Variants in MIEF1 observed in about 807,000 individuals in gnomAD.
The protein encoded by MIEF1 is mitochondrial elongation factor 1.
A neutral mutation model predicts 35.1 loss-of-function variants in MIEF1; 14 were observed. The observed-to-expected ratio is 0.40, with a 90% CI of 0.26 to 0.62. The LOEUF is 0.62. Among genes scored for constraint, MIEF1 ranks in the 20% least tolerant of loss-of-function variants. The pLI, the probability that MIEF1 is intolerant of heterozygous loss-of-function variation, is 0.43. For missense variants in MIEF1, 542 were observed against 615.4 expected (o/e 0.88, Z 1.26); for synonymous variants, 245 against 254.3 (o/e 0.96, Z 0.35).
intron 2 of MIEF1, among the ~76,000 whole-genome samples, chr22:39,505,151 G>A (rs1162591361): frequency 2.0e-5 from 3 of 150,566 alleles, no homozygotes; most frequent in Non-Finnish European, 4.4e-5. Flanking sequence ...CCAAGATCGC[G>A]CCACTGCACT....
At chr22:39,507,299 C>T (rs1181881107) in intron 2 of MIEF1, among the ~76,000 whole-genome samples, 1 of 151,924 alleles carries the variant, frequency 6.6e-6, no homozygotes, top group South Asian at 2.1e-4. Context: ...GGCTGGAGTG[C>T]AGTGGGTGCA....
chr22:39,500,877 G>T (rs1929667917), upstream of MIEF1, among the ~76,000 whole-genome samples: 1 of 151,904 alleles, frequency 6.6e-6, no homozygotes, highest in African/African-American at 2.4e-5. Flanking sequence ...TGTATTTTTA[G>T]TAGAGATGGG....
In MIEF1 at chr22:39,515,474, C is replaced by T. The variant is rs368384481; in HGVS notation, c.*1151C>T. 57 of 647,218 alleles carry T rather than the reference C, an allele frequency of 8.8e-5. 1 individual carries two copies. The highest frequency in any genetic ancestry group is 2.4e-4 in the African/African-American group (13 of 55,246). The allele number at this position is 647,218 out of a possible 1,614,324, so 40.1% of individuals were successfully genotyped here. On this transcript the variant is annotated 3_prime_UTR_variant, in exon 6 of 6. Coordinates refer to ENST00000325301, the MANE Select transcript of MIEF1 (RefSeq NM_019008.6). ...GGGTGTTTGCTGAGCGCTCCGGGCA[C>T]GGCCAGAGGGCAAGTGAGCATGCAC... is the stretch of plus-strand genomic sequence containing the variant.
chr22:39,512,300 C>A lies in MIEF1; in HGVS notation c.391C>A (p.Leu131Ile). 1 of 1,614,224 alleles carries A rather than the reference C, an allele frequency of 6.2e-7. No homozygotes were observed. The highest frequency in any genetic ancestry group is 1.1e-5 in the South Asian group (1 of 91,092). The change falls in exon 5 of 6, where the codon CTC becomes ATC. Residue 131 changes from leucine to isoleucine, a missense_variant. Coordinates refer to ENST00000325301, the MANE Select transcript of MIEF1 (RefSeq NM_019008.6). ...KGQVDLKKSR[L>I]RMSLQEKLLT... is the part of the protein sequence containing the mutation. ...CCAGGTAGACTTGAAGAAGTCACGA[C>A]TCCGCATGTCCCTGCAGGAGAAACT...
chr22:39,512,260 A>G lies in MIEF1; in HGVS notation c.351A>G (p.Pro117=). The G allele has an allele frequency of 6.2e-7, 1 of 1,613,844 alleles. No homozygotes were observed. The highest frequency in any genetic ancestry group is 8.5e-7 in the Non-Finnish European group (1 of 1,180,024). The change falls in exon 5 of 6, where the codon CCA becomes CCG. Residue 117 remains proline (P), a synonymous_variant. Transcript: ENST00000325301. ...TDTFCPPRPK[P]VARKGQVDLK... is the part of the protein sequence containing the mutation. The stretch of plus-strand genomic sequence containing the variant: ...CATTCTGCCCGCCCCGGCCCAAGCC[A>G]GTGGCCAGGAAGGGCCAGGTAGACT...
Position 39,504,264 on chromosome 22 carries a change from C to G in MIEF1, c.-278C>G, listed in dbSNP as rs150136591. The stretch of plus-strand genomic sequence containing the variant: ...GTGGAGCCGAGAGGCGGTGCTGAGT[C>G]TCTATCGGGCTCTGTTGCGCCAGGG... On this transcript the variant is annotated 5_prime_UTR_variant, in exon 2 of 6. Coordinates refer to ENST00000325301, the MANE Select transcript of MIEF1 (RefSeq NM_019008.6). The G allele has an allele frequency of 1.4e-3, 547 of 399,146 alleles. 4 individuals carry two copies. The highest frequency in any genetic ancestry group is 7.2e-3 in the African/African-American group (352 of 48,758). The allele number at this position is 399,146 out of a possible 1,614,324, so 24.7% of individuals were successfully genotyped here.
chr22:39,502,699 C>G (rs1929804712), intron 1 of MIEF1, among the ~76,000 whole-genome samples: 1 of 152,272 alleles, frequency 6.6e-6, no homozygotes, highest in South Asian at 2.1e-4. Flanking sequence ...GCCCGGCCCC[C>G]ACGGTTGGTG....
chr22:39,511,509 A>AGAAAATGTC (rs1445539712), intron 3 of MIEF1, 71 bp downstream of exon 3: 45 of 1,457,550 alleles, frequency 3.1e-5, no homozygotes, highest in Non-Finnish European at 4.1e-5. Context: ...TTTTATAGAA[A>AGAAAATGTC]GAAAATGTCG....
rs1273962197 is a variant in MIEF1, at chr22:39,515,104, T to C, written c.*781T>C. On this transcript the variant is annotated 3_prime_UTR_variant, in exon 6 of 6. Coordinates refer to ENST00000325301, the MANE Select transcript of MIEF1 (RefSeq NM_019008.6). ...GGTTAAGGGCCTAGTGAAGGGTTTG[T>C]GTGCCCAGTGTCTGCTCGTCATCTG... 5 of 614,832 alleles carry C rather than the reference T, an allele frequency of 8.1e-6. No homozygotes were observed. The highest frequency in any genetic ancestry group is 2.8e-5 in the East Asian group (1 of 36,130). The allele number at this position is 614,832 out of a possible 1,614,324, so 38.1% of individuals were successfully genotyped here.
In MIEF1 at chr22:39,504,251, G is replaced by A. The variant is rs1929900565; in HGVS notation, c.-291G>A. On this transcript the variant is annotated 5_prime_UTR_variant, in exon 2 of 6. Transcript: ENST00000325301. ...CCCCCATGGCCCCGTGGAGCCGAGA[G>A]GCGGTGCTGAGTCTCTATCGGGCTC... is the stretch of plus-strand genomic sequence containing the variant. 5 of 399,144 alleles carry A rather than the reference G, an allele frequency of 1.3e-5. No homozygotes were observed. Among genetic ancestry groups the A allele is most frequent in the African/African-American group, 2.1e-5 (1 of 48,650 alleles). 24.7% of individuals were successfully genotyped at this position (399,144 alleles called of 1,614,324 possible).
Position 39,514,620 on chromosome 22 carries a change from GT to G in MIEF1, c.*301del. On this transcript the variant is annotated 3_prime_UTR_variant, in exon 6 of 6. Coordinates refer to ENST00000325301, the MANE Select transcript of MIEF1 (RefSeq NM_019008.6). ...GGCCTGAGCTGATGGACCACTTGGT[GT>G]TTTGCGTTTTGGCCCATGTTTGCTG... 3 of 425,666 alleles carry G rather than the reference GT, an allele frequency of 7.0e-6. No homozygotes were observed. Among genetic ancestry groups the G allele is most frequent in the Non-Finnish European group, 1.3e-5 (3 of 234,378 alleles). 26.4% of individuals were successfully genotyped at this position (425,666 alleles called of 1,614,324 possible).
Position 39,506,192 on chromosome 22 carries a change from C to T in MIEF1, c.-8+1658C>T, listed in dbSNP as rs117594738. Among the ~76,000 whole-genome samples, 654 of 152,216 alleles carry T rather than the reference C, an allele frequency of 4.3e-3. 1 individual carries two copies. The highest frequency in any genetic ancestry group is 4.9e-3 in the Non-Finnish European group (332 of 68,014). ...TCAAAAAAACCAAGAAACAAAACGC[C>T]GTAGAGTTAATACTTCATTCCCACA... On this transcript the variant is annotated intron_variant, in intron 2 of 5. Transcript: ENST00000325301.
upstream of MIEF1, among the ~76,000 whole-genome samples, chr22:39,500,755 C>T (rs989743367): frequency 6.6e-6 from 1 of 151,768 alleles, no homozygotes; most frequent in African/African-American, 2.4e-5. Context: ...AGTACAGTAG[C>T]GTGATCTTGG....
In MIEF1 at chr22:39,516,613, G is replaced by C. The variant is rs1930684850; in HGVS notation, c.*2290G>C. On this transcript the variant is annotated 3_prime_UTR_variant, in exon 6 of 6. Transcript: ENST00000325301. ...AGCTACTCGGGAGGCTGAGGCAGGA[G>C]AATAACTTAAACCCGGGAGGCGGAG... 1.3e-5 allele frequency: 2 copies of C among 152,252 alleles called. No individual in the cohort carries two copies. Among genetic ancestry groups the C allele is most frequent in the Admixed American group, 1.3e-4 (2 of 15,286 alleles). The allele number at this position is 152,252 out of a possible 1,614,324, so 9.4% of individuals were successfully genotyped here.
intron 2 of MIEF1, among the ~76,000 whole-genome samples, chr22:39,506,988 G>C (rs1180168450): frequency 2.0e-5 from 3 of 152,172 alleles, no homozygotes; most frequent in African/African-American, 7.2e-5. Context: ...TTAAGCAATG[G>C]GGTTCCTTCA....
chr22:39,508,337 A>C (rs972394195), intron 2 of MIEF1, among the ~76,000 whole-genome samples: 9 of 152,198 alleles, frequency 5.9e-5, no homozygotes, highest in Non-Finnish European at 1.3e-4. Context: ...CAGTCATCAG[A>C]AGGGCACCAA....
rs765495130 is a variant in MIEF1 at position 39,513,771 on chromosome 22, G to A, written c.840G>A (p.Gly280=). Residue 280 remains glycine (G), a synonymous_variant, in exon 6 of 6, where the codon GGG becomes GGA. Coordinates refer to ENST00000325301, the MANE Select transcript of MIEF1 (RefSeq NM_019008.6). ...VAGSINWPAI[G]SLLDYVIRPA... Reference sequence around the variant, plus strand: ...GCTCCATCAATTGGCCAGCCATAGGGTCCCTCTTGGACTATGTGATCCGCC... The same window carrying A: ...GCTCCATCAATTGGCCAGCCATAGGATCCCTCTTGGACTATGTGATCCGCC... 1 of 1,614,066 alleles carries A rather than the reference G, an allele frequency of 6.2e-7. No homozygotes were observed. Among genetic ancestry groups the A allele is most frequent in the Non-Finnish European group, 8.5e-7 (1 of 1,180,016 alleles).
rs1012563690 is a variant in MIEF1, at chr22:39,517,495, C to T, written c.*3172C>T. Reference sequence around the variant, plus strand: ...CTGCACTCCACTCAAGTTGAGAGTTCAAATAGTCTTGAAGGGGAATCAGCT... The same window carrying T: ...CTGCACTCCACTCAAGTTGAGAGTTTAAATAGTCTTGAAGGGGAATCAGCT... On this transcript the variant is annotated 3_prime_UTR_variant, in exon 6 of 6. Coordinates refer to ENST00000325301, the MANE Select transcript of MIEF1 (RefSeq NM_019008.6). The T allele has an allele frequency of 2.3e-5, 11 of 470,580 alleles. No homozygotes were observed. Among genetic ancestry groups the T allele is most frequent in the Non-Finnish European group, 4.4e-5 (10 of 226,898 alleles). The allele number at this position is 470,580 out of a possible 1,614,324, so 29.2% of individuals were successfully genotyped here.
In MIEF1 at chr22:39,514,303, G is replaced by C. The variant is rs373709239; in HGVS notation, c.1372G>C (p.Glu458Gln). ...YTLYCSLSEPEVLLQT is the reference protein window; with the variant it reads ...YTLYCSLSEPQVLLQT ...TCTGTATTGCTCATTGTCTGAGCCA[G>C]AGGTGCTGCTGCAGACGTAGGGCAG... Residue 458 changes from glutamate to glutamine, a missense_variant, in exon 6 of 6, where the codon GAG (glutamate) becomes CAG (glutamine). Physicochemically the swap from Glu to Gln is conservative, Grantham distance 29. Coordinates refer to ENST00000325301, the MANE Select transcript of MIEF1 (RefSeq NM_019008.6). 1.9e-6 allele frequency: 3 copies of C among 1,613,602 alleles called. No homozygotes were observed. In the African/African-American group the frequency reaches 4.0e-5, roughly 22 times the overall value.
Sources: allele counts gnomAD v4.1 joint callset (sites outside exome capture counted in the v4.1 genomes callset), GRCh38; gene constraint gnomAD v4.1.1; transcripts MANE v1.5; gene names NCBI Gene and HGNC (gene_info 2026-07-23, HGNC 2026-07-21).